CREBRF: variants seen among roughly 807,000 people sequenced by gnomAD.
CREBRF encodes CREB3 regulatory factor.
Under a neutral mutation model 66.1 loss-of-function variants are expected in CREBRF, and 5 were observed. The ratio of observed to expected loss-of-function variants is 0.08; its 90% CI spans 0.04 to 0.16. CREBRF has a LOEUF of 0.16. Among genes scored for constraint, CREBRF ranks in the 10% least tolerant of loss-of-function variants. The pLI is 1.00. For missense variants in CREBRF, 531 were observed against 744.9 expected (o/e 0.71, Z 3.34); for synonymous variants, 229 against 264.4 (o/e 0.87, Z 1.30).
chr5:173,085,697 G>T, intron 2 of CREBRF: 2 of 726,836 alleles, frequency 2.8e-6, no homozygotes, highest in Admixed American at 1.8e-5. Flanking sequence ...GATTACAGGC[G>T]TGAGCCACCG....
intron 1 of CREBRF, chr5:173,057,751 A>T (rs1032427540): frequency 6.6e-6 from 1 of 152,006 alleles, no homozygotes; most frequent in African/African-American, 2.4e-5. Flanking sequence ...AGTGAAGGGG[A>T]AGTTTTGTAA....
chr5:173,057,170 G>T (rs1312588948), intron 1 of CREBRF, among the ~76,000 whole-genome samples: 1 of 152,162 alleles, frequency 6.6e-6, no homozygotes, highest in East Asian at 1.9e-4. Context: ...GAGCTGAGTG[G>T]CAGGCTCTGG....
intron 1 of CREBRF, among the ~76,000 whole-genome samples, chr5:173,058,375 T>A (rs975516969): frequency 2.0e-5 from 3 of 152,222 alleles, no homozygotes; most frequent in African/African-American, 4.8e-5. Flanking sequence ...GAACATGCCT[T>A]AGATAGATCA....
At chr5:173,111,740 G>A (rs775651839) in intron 6 of CREBRF, among the ~76,000 whole-genome samples, 20 of 152,162 alleles carry the variant, frequency 1.3e-4, no homozygotes, top group Non-Finnish European at 2.5e-4. Context: ...AAATGTTTGT[G>A]TGAATATATT....
rs528602797 is a variant in CREBRF at position 173,084,835 on chromosome 5, C to T, written c.10-1666C>T. Among the ~76,000 whole-genome samples, 7 of 152,202 alleles carry T rather than the reference C, an allele frequency of 4.6e-5. No homozygotes were observed. In the South Asian group the frequency reaches 1.2e-3, roughly 27 times the overall value. On this transcript the variant is annotated intron_variant, in intron 2 of 8. Coordinates refer to ENST00000296953, the MANE Select transcript of CREBRF (RefSeq NM_153607.3). ...TTTGTCTTTGTATTTTTAGTAGAGACGGGGTTTCACTGTGTTAGCCAGGAT... is the reference window on the plus strand; with the variant it reads ...TTTGTCTTTGTATTTTTAGTAGAGATGGGGTTTCACTGTGTTAGCCAGGAT...
intron 1 of CREBRF, chr5:173,060,233 G>T (rs577744084): frequency 5.9e-5 from 8 of 135,558 alleles, no homozygotes; most frequent in Admixed American, 7.4e-5. Context: ...ATATATATAT[G>T]TTTTTTTTTT....
Position 173,091,150 on chromosome 5 carries a change from CAGTCT to C in CREBRF, c.972_976del (p.Val325ArgfsTer21). 6.2e-7 allele frequency: 1 copy of C among 1,614,222 alleles called. No individual in the cohort carries two copies. Among genetic ancestry groups the C allele is most frequent in the South Asian group, 1.1e-5 (1 of 91,084 alleles). ...AGCAGCAGTCTTTCTGCCAGTACAT[CAGTCT>C]CAGATTCATCCCAGAAAAAAGAAGA... On this transcript the variant is annotated frameshift_variant, in exon 4 of 9. Coordinates refer to ENST00000296953, the MANE Select transcript of CREBRF (RefSeq NM_153607.3). LOFTEE classifies it high-confidence loss of function.
chr5:173,108,837 C>A lies in CREBRF; in HGVS notation c.1417+19C>A. ...CATCATGGTAAGAGGGGATTGCAGT[C>A]AGATATTTAGTGTCACTTTAATCAA... On this transcript the variant is annotated intron_variant, in intron 5 of 8. Coordinates refer to ENST00000296953, the MANE Select transcript of CREBRF (RefSeq NM_153607.3). 3 of 1,601,726 alleles carry A rather than the reference C, an allele frequency of 1.9e-6. No individual in the cohort carries two copies. In the South Asian group the frequency reaches 3.3e-5, roughly 18 times the overall value.
rs935447459 is a variant in CREBRF, at chr5:173,108,675, C to T, written c.1274C>T (p.Ser425Leu). ...CTGAAGGAGGTGACTTCAATATCTT[C>T]ACGGAAGAGAGGTAAAAGAAGATAC... is the stretch of plus-strand genomic sequence containing the variant. ...EDLKEVTSIS[S>L]RKRGKRRYFW... is the part of the protein sequence containing the mutation. The change falls in exon 5 of 9, where the codon TCA (serine) becomes TTA (leucine). Residue 425 changes from serine to leucine, a missense_variant. By Grantham distance (145) the Ser-to-Leu change is moderately radical. Transcript: ENST00000296953. 2.5e-6 allele frequency: 4 copies of T among 1,613,546 alleles called. No individual in the cohort carries two copies. The highest frequency in any genetic ancestry group is 3.4e-6 in the Non-Finnish European group (4 of 1,179,878).
chr5:173,064,559 A>ATTTTTTT (rs1217486982), intron 1 of CREBRF, among the ~76,000 whole-genome samples: 2 of 107,646 alleles, frequency 1.9e-5, no homozygotes, highest in African/African-American at 3.7e-5. Context: ...CACCTGGTTA[A>ATTTTTTT]TTTTTTTTTT....
chr5:173,059,042 A>G (rs1757176274), intron 1 of CREBRF, among the ~76,000 whole-genome samples: 4 of 150,848 alleles, frequency 2.7e-5, no homozygotes, highest in Admixed American at 6.6e-5. Context: ...TAGGTGATCC[A>G]CCCACCTCAG....
intron 4 of CREBRF, among the ~76,000 whole-genome samples, chr5:173,103,847 C>G (rs1758685667): frequency 6.6e-6 from 1 of 152,204 alleles, no homozygotes; most frequent in African/African-American, 2.4e-5. Context: ...GTAGTCTGTA[C>G]TAACCAGAGA....
At chr5:173,089,190 A>C (rs1309182894) in intron 3 of CREBRF, among the ~76,000 whole-genome samples, 295 of 147,594 alleles carry the variant, frequency 2.0e-3, no homozygotes, top group Non-Finnish European at 3.6e-3. Flanking sequence ...AAAAAAAAAA[A>C]CAAAAAAAAA....
At chr5:173,069,601 C>T (rs1451526819) in intron 1 of CREBRF, among the ~76,000 whole-genome samples, 1 of 152,082 alleles carries the variant, frequency 6.6e-6, no homozygotes, top group Non-Finnish European at 1.5e-5. Flanking sequence ...GGATTACAGG[C>T]GTGAGCCACC....
intron 4 of CREBRF, among the ~76,000 whole-genome samples, chr5:173,100,114 GTGTGTA>G (rs1758584927): frequency 8.5e-6 from 1 of 117,868 alleles, no homozygotes; most frequent in Admixed American, 8.2e-5. Context: ...GTGTGTGTGT[GTGTGTA>G]TATATATATA....
chr5:173,103,936 A>G (rs963419507), intron 4 of CREBRF, among the ~76,000 whole-genome samples: 4 of 152,210 alleles, frequency 2.6e-5, no homozygotes, highest in South Asian at 2.1e-4. Context: ...AATGAGTTAG[A>G]TTAGTATGAT....
Position 173,135,053 on chromosome 5 carries a change from G to C in CREBRF, c.*1308G>C, listed in dbSNP as rs192919770. 6.6e-6 allele frequency: 1 copy of C among 151,982 alleles called. No individual in the cohort carries two copies. The highest frequency in any genetic ancestry group is 1.5e-5 in the Non-Finnish European group (1 of 67,840). The allele number at this position is 151,982 out of a possible 1,614,324, so 9.4% of individuals were successfully genotyped here. A position where few individuals can be genotyped will look rare whatever the true frequency, so the allele number is the denominator to read the frequency against. ...TATACTTCCACCAGACAACAAAATA[G>C]ATTATTTTTATTGTATTATGTATAT... On this transcript the variant is annotated 3_prime_UTR_variant, in exon 9 of 9. Transcript: ENST00000296953.
intron 2 of CREBRF, chr5:173,085,467 A>G: frequency 3.2e-6 from 2 of 624,984 alleles, no homozygotes; most frequent in South Asian, 1.9e-5. Context: ...CCCAGGCTGG[A>G]GTGCAATGGC....
intron 1 of CREBRF, among the ~76,000 whole-genome samples, chr5:173,063,730 CTT>C (rs949087304): frequency 1.4e-5 from 2 of 145,052 alleles, no homozygotes; most frequent in Admixed American, 6.9e-5. Flanking sequence ...TTCTTTTTGA[CTT>C]TTTTTTTTTG....
Sources: allele counts gnomAD v4.1 joint callset (sites outside exome capture counted in the v4.1 genomes callset), GRCh38; gene constraint gnomAD v4.1.1; transcripts MANE v1.5; gene names NCBI Gene and HGNC (gene_info 2026-07-23, HGNC 2026-07-21).